TEX11: variants seen among roughly 807,000 people sequenced by gnomAD.
TEX11 encodes the protein testis-expressed protein 11.
In TEX11, 7 loss-of-function variants were observed where a neutral mutation model predicts 84.4. The ratio of observed to expected loss-of-function variants is 0.08; its 90% CI spans 0.05 to 0.16. TEX11 has a LOEUF of 0.16. TEX11 is among the 10% of genes least tolerant of loss of function. TEX11 has a pLI of 1.00. For synonymous variants in TEX11, 264 were observed against 222.8 expected, an observed-to-expected ratio of 1.18 and a Z score of -1.64; for missense variants, 551 against 660.5, an observed-to-expected ratio of 0.83 and a Z score of 1.82.
chrX:70,599,941 C>T (rs920232836), intron 24 of TEX11, among the ~76,000 whole-genome samples: 85 of 107,976 alleles, frequency 7.9e-4, no homozygotes, highest in African/African-American at 2.7e-3. Flanking sequence ...TGGGTTGGTT[C>T]CTAGCCTTTG....
intron 10 of TEX11, among the ~76,000 whole-genome samples, chrX:70,743,334 C>T (rs1032488859): frequency 8.9e-6 from 1 of 111,833 alleles, no homozygotes; most frequent in Non-Finnish European, 1.9e-5. Context: ...CTTTTATTCC[C>T]CATATATTAC....
intron 16 of TEX11, 128 bp from the exon 17 acceptor site, chrX:70,651,680 A>G: frequency 2.4e-6 from 1 of 420,327 alleles, no homozygotes; most frequent in Admixed American, 4.2e-5. Flanking sequence ...GAATCTAAGA[A>G]AAATATTTGC....
At chrX:70,603,367 G>A (rs1243718908) in intron 24 of TEX11, among the ~76,000 whole-genome samples, 10 of 97,217 alleles carry the variant, frequency 1.0e-4, no homozygotes, top group Admixed American at 2.3e-4. Flanking sequence ...ATAGATCAAT[G>A]GAACAGAACA....
intron 16 of TEX11, among the ~76,000 whole-genome samples, chrX:70,653,488 G>A (rs185678064): frequency 8.9e-6 from 1 of 112,241 alleles, no homozygotes; most frequent in Non-Finnish European, 1.9e-5. Context: ...ACAGCAATGA[G>A]ATATCACTAT....
intron 20 of TEX11, among the ~76,000 whole-genome samples, chrX:70,618,168 A>G (rs1180394410): frequency 8.9e-6 from 1 of 112,005 alleles, no homozygotes; most frequent in African/African-American, 3.2e-5. Context: ...GCAGTGGCCA[A>G]TGACCTGGCC....
intron 15 of TEX11, among the ~76,000 whole-genome samples, chrX:70,675,181 T>C (rs1459079581): frequency 2.7e-5 from 3 of 111,581 alleles, no homozygotes; most frequent in Non-Finnish European, 5.7e-5. Flanking sequence ...TTTAAAGAGA[T>C]TGTAATAATA....
intron 9 of TEX11, among the ~76,000 whole-genome samples, chrX:70,787,051 T>C (rs1299750207): frequency 9.0e-6 from 1 of 111,202 alleles, no homozygotes; most frequent in East Asian, 2.9e-4. Flanking sequence ...GGAGAATCAC[T>C]TGAACCTGGG....
intron 22 of TEX11, among the ~76,000 whole-genome samples, chrX:70,607,443 A>G (rs2089207766): frequency 9.0e-6 from 1 of 110,944 alleles, no homozygotes; most frequent in South Asian, 3.9e-4. Context: ...TTAAAAAACA[A>G]ACCAAAACAA....
At chrX:70,803,744 T>A (rs2091202310) in intron 9 of TEX11, among the ~76,000 whole-genome samples, 1 of 112,007 alleles carries the variant, frequency 8.9e-6, no homozygotes, top group African/African-American at 3.2e-5. Context: ...CTCCTTCTGG[T>A]ATAAAATTTA....
intron 2 of TEX11, among the ~76,000 whole-genome samples, chrX:70,898,111 G>A (rs2091783233): frequency 9.0e-6 from 1 of 111,543 alleles, no homozygotes; most frequent in African/African-American, 3.3e-5. Context: ...GATGAGTGAA[G>A]CAGTCTATGC....
intron 5 of TEX11, among the ~76,000 whole-genome samples, chrX:70,856,637 G>A (rs1406648294): frequency 9.0e-6 from 1 of 110,546 alleles, no homozygotes; most frequent in Non-Finnish European, 1.9e-5. Context: ...TGAATCCAAG[G>A]ATTCAGAAAC....
intron 17 of TEX11, among the ~76,000 whole-genome samples, chrX:70,639,905 C>A (rs1323612173): frequency 2.7e-5 from 3 of 112,070 alleles, no homozygotes; most frequent in African/African-American, 9.7e-5. Flanking sequence ...AGCAACAGAA[C>A]AAAGCTGGAC....
At chrX:70,622,362 A>G (rs1179382889) in intron 20 of TEX11, among the ~76,000 whole-genome samples, 1 of 112,214 alleles carries the variant, frequency 8.9e-6, no homozygotes, top group Non-Finnish European at 1.9e-5. Flanking sequence ...TATATTTTAA[A>G]AAGTGTTTGT....
chrX:70,513,955 G>C, the TEX11 span, among the ~76,000 whole-genome samples: 2 of 109,092 alleles, frequency 1.8e-5, no homozygotes, highest in African/African-American at 3.4e-5. Flanking sequence ...TCTTGGAAAA[G>C]AGTCATAAAT....
At chrX:70,757,292 A>C (rs945230778) in intron 9 of TEX11, among the ~76,000 whole-genome samples, 4 of 111,414 alleles carry the variant, frequency 3.6e-5, no homozygotes, top group Admixed American at 2.9e-4. Flanking sequence ...ACTCGTTGAG[A>C]AGAGCAACCC....
chrX:70,605,561 G>T, intron 23 of TEX11, 44 bp from the exon 24 acceptor site: 5 of 916,233 alleles, frequency 5.5e-6, no homozygotes, highest in Non-Finnish European at 7.8e-6. Flanking sequence ...TGAGAATTCT[G>T]CCAGGTGAAC....
At chrX:70,723,852 T>A (rs753669763) in intron 12 of TEX11, among the ~76,000 whole-genome samples, 91 of 112,079 alleles carry the variant, frequency 8.1e-4, no homozygotes, top group African/African-American at 2.7e-3. Flanking sequence ...TAAAGTATTT[T>A]CACCAGCAAA....
the TEX11 span, among the ~76,000 whole-genome samples, chrX:70,521,105 G>A: frequency 1.1e-3 from 125 of 111,090 alleles, no homozygotes; most frequent in Non-Finnish European, 2.0e-3. Flanking sequence ...GTGAGGTGAT[G>A]TCCCGCCCTG....
At chrX:70,674,479 C>G (rs920009667) in intron 15 of TEX11, among the ~76,000 whole-genome samples, 7 of 112,064 alleles carry the variant, frequency 6.2e-5, no homozygotes, top group African/African-American at 2.3e-4. Flanking sequence ...AGCCATACTG[C>G]TTTCCACAGT....
Sources: allele counts gnomAD v4.1 joint callset (sites outside exome capture counted in the v4.1 genomes callset), GRCh38; gene constraint gnomAD v4.1.1; transcripts MANE v1.5; gene names NCBI Gene and HGNC (gene_info 2026-07-23, HGNC 2026-07-21).